Variants in CPNE8 observed in about 807,000 individuals in gnomAD.
CPNE8 encodes copine-8.
A neutral mutation model predicts 81.5 loss-of-function variants in CPNE8; 45 were observed. The ratio of observed to expected loss-of-function variants is 0.55; its 90% CI spans 0.44 to 0.71. The LOEUF is 0.71. Ranked by LOEUF, CPNE8 falls within the 30% of genes least tolerant of loss-of-function variation. The pLI is 0.00. For missense variants in CPNE8, 594 were observed against 672.1 expected (o/e 0.88, Z 1.28); for synonymous variants, 252 against 226.3 (o/e 1.11, Z -1.02).
At chr12:38,678,602 G>A (rs1939342475) in intron 16 of CPNE8, among the ~76,000 whole-genome samples, 2 of 151,816 alleles carry the variant, frequency 1.3e-5, no homozygotes, top group African/African-American at 4.8e-5. Flanking sequence ...GAACAAGTTG[G>A]TGACAAACAA....
intron 1 of CPNE8, among the ~76,000 whole-genome samples, chr12:38,891,031 A>T (rs1251043688): frequency 6.6e-6 from 1 of 151,698 alleles, no homozygotes; most frequent in Admixed American, 6.6e-5. Context: ...GGTTGAAGAG[A>T]ATCTCCTGCC....
At chr12:38,709,058 G>T (rs1437322036) in intron 13 of CPNE8, among the ~76,000 whole-genome samples, 1 of 152,016 alleles carries the variant, frequency 6.6e-6, no homozygotes, top group African/African-American at 2.4e-5. Context: ...AATGTAGTTG[G>T]GATGCCCACC....
chr12:38,705,334 C>CA (rs1358255162), intron 13 of CPNE8, among the ~76,000 whole-genome samples: 2 of 152,060 alleles, frequency 1.3e-5, no homozygotes, highest in African/African-American at 4.8e-5. Context: ...CTTCTTTCTC[C>CA]AAATATTCGG....
chr12:38,729,295 C>G (rs1271356636), intron 11 of CPNE8, among the ~76,000 whole-genome samples: 1 of 151,974 alleles, frequency 6.6e-6, no homozygotes, highest in African/African-American at 2.4e-5. Context: ...TAAACTAATG[C>G]ATAATCTTTG....
At chr12:38,655,557 T>G (rs1427618605) in intron 19 of CPNE8, among the ~76,000 whole-genome samples, 1 of 152,192 alleles carries the variant, frequency 6.6e-6, no homozygotes, top group East Asian at 1.9e-4. Context: ...AGAACAATCC[T>G]GTCTCATGCT....
At chr12:38,707,056 T>C (rs117023412) in intron 13 of CPNE8, among the ~76,000 whole-genome samples, 2 of 152,296 alleles carry the variant, frequency 1.3e-5, no homozygotes, top group Non-Finnish European at 2.9e-5. Flanking sequence ...GGATCCCACC[T>C]GTAATCCCAG....
intron 6 of CPNE8, among the ~76,000 whole-genome samples, chr12:38,783,879 G>A (rs972704101): frequency 2.6e-5 from 4 of 152,184 alleles, no homozygotes; most frequent in Non-Finnish European, 4.4e-5. Context: ...TATCTGGAAA[G>A]TCTTGCCAAG....
chr12:38,661,897 CA>C (rs34481283), intron 19 of CPNE8, among the ~76,000 whole-genome samples: 5,149 of 135,064 alleles, frequency 0.038, 144 homozygotes, highest in South Asian at 0.14. Flanking sequence ...AGAATGCAAG[CA>C]AAAAAAAAAA....
At chr12:38,747,120 A>C (rs189254531) in intron 10 of CPNE8, among the ~76,000 whole-genome samples, 50 of 152,342 alleles carry the variant, frequency 3.3e-4, no homozygotes, top group African/African-American at 1.1e-3. Flanking sequence ...TTTTAAAGAA[A>C]AGCAGATCCT....
intron 19 of CPNE8, among the ~76,000 whole-genome samples, chr12:38,658,520 C>G (rs1009292549): frequency 1.3e-5 from 2 of 152,074 alleles, no homozygotes; most frequent in Non-Finnish European, 2.9e-5. Flanking sequence ...GCAAGGCAAG[C>G]CAACATTCAA....
At chr12:38,711,620 C>T (rs980860714) in intron 13 of CPNE8, among the ~76,000 whole-genome samples, 1 of 152,088 alleles carries the variant, frequency 6.6e-6, no homozygotes, top group Non-Finnish European at 1.5e-5. Flanking sequence ...AGGCATGCGC[C>T]ACCACGCCCA....
chr12:38,686,631 C>G (rs181950692), intron 15 of CPNE8, among the ~76,000 whole-genome samples: 7 of 152,292 alleles, frequency 4.6e-5, no homozygotes, highest in Admixed American at 2.0e-4. Context: ...CAGCTCAGCA[C>G]GGTGGTTCCT....
chr12:38,872,127 C>G (rs1944003084), intron 3 of CPNE8, among the ~76,000 whole-genome samples: 1 of 151,852 alleles, frequency 6.6e-6, no homozygotes, highest in Admixed American at 6.6e-5. Flanking sequence ...AAGAGTGAAA[C>G]TCTGTCTCAA....
intron 15 of CPNE8, among the ~76,000 whole-genome samples, chr12:38,689,295 C>T (rs1939614868): frequency 6.6e-6 from 1 of 152,096 alleles, no homozygotes; most frequent in Non-Finnish European, 1.5e-5. Context: ...GAGGAGTGCC[C>T]AGCTCTTACC....
At chr12:38,777,206 G>A (rs1346571626) in intron 6 of CPNE8, among the ~76,000 whole-genome samples, 9 of 151,964 alleles carry the variant, frequency 5.9e-5, no homozygotes, top group Admixed American at 5.9e-4. Context: ...TCCTGACCCT[G>A]TGTAGGCCTA....
chr12:38,750,395 G>T (rs1170929822), intron 10 of CPNE8, among the ~76,000 whole-genome samples: 1 of 152,160 alleles, frequency 6.6e-6, no homozygotes, highest in Non-Finnish European at 1.5e-5. Context: ...GATCTGCTGA[G>T]AGCTTGCACC....
At chr12:38,866,611 A>C (rs370917779) in intron 3 of CPNE8, among the ~76,000 whole-genome samples, 3 of 152,212 alleles carry the variant, frequency 2.0e-5, no homozygotes, top group African/African-American at 7.2e-5. Flanking sequence ...TTGATGCTAT[A>C]ATTCAAATTC....
chr12:38,853,164 T>C (rs1396943814), intron 3 of CPNE8, among the ~76,000 whole-genome samples: 6 of 152,212 alleles, frequency 3.9e-5, no homozygotes, highest in Non-Finnish European at 7.4e-5. Flanking sequence ...ATTAATCTTT[T>C]TGACTTGAAG....
At chr12:38,799,089 C>T (rs138350804) in intron 6 of CPNE8, among the ~76,000 whole-genome samples, 2,347 of 152,216 alleles carry the variant, frequency 0.015, 61 homozygotes, top group African/African-American at 0.053. Flanking sequence ...GACTCCCACA[C>T]AATAATAATG....
Sources: allele counts gnomAD v4.1 joint callset (sites outside exome capture counted in the v4.1 genomes callset), GRCh38; gene constraint gnomAD v4.1.1; transcripts MANE v1.5; gene names NCBI Gene and HGNC (gene_info 2026-07-23, HGNC 2026-07-21).